Variants in LRRC72 observed in about 807,000 individuals in gnomAD.
The protein encoded by LRRC72 is leucine rich repeat containing 72.
Under a neutral mutation model 35.8 loss-of-function variants are expected in LRRC72, and 41 were observed. The ratio of observed to expected loss-of-function variants is 1.15; its 90% CI spans 0.89 to 1.49. The LOEUF is 1.49. Among genes scored for constraint, LRRC72 ranks in the 40% most tolerant of loss-of-function variants. The pLI, the probability that LRRC72 is intolerant of heterozygous loss-of-function variation, is 0.00. For synonymous variants in LRRC72, 118 were observed against 119.2 expected (o/e 0.99, Z 0.07); for missense variants, 389 against 330.7 (o/e 1.18, Z -1.37).
rs116119702 is a variant in LRRC72 at position 16,532,869 on chromosome 7, G to T, written c.164+301G>T. On this transcript the variant is annotated intron_variant, in intron 2 of 8. Transcript: ENST00000401542. ...TAGGATTGTCAGATTTAACAAATAAGTATATAGGACATCCAGTTGAATTTG... is the reference window on the plus strand; with the variant it reads ...TAGGATTGTCAGATTTAACAAATAATTATATAGGACATCCAGTTGAATTTG... The T allele has an allele frequency of 6.6e-4, 249 of 379,000 alleles. 1 individual carries two copies. Among genetic ancestry groups the T allele is most frequent in the African/African-American group, 4.8e-3 (234 of 48,768 alleles). 23.5% of individuals were successfully genotyped at this position (379,000 alleles called of 1,614,324 possible).
intron 2 of LRRC72, 87 bp downstream of exon 2, chr7:16,532,655 AT>A (rs572567134): frequency 1.1e-5 from 12 of 1,100,978 alleles, no homozygotes; most frequent in Non-Finnish European, 1.5e-5. Context: ...GTTATTTTCC[AT>A]TTTTCCCCCT....
chr7:16,532,478 T>A lies in LRRC72; in HGVS notation c.91-17T>A, dbSNP rs1318613028. The A allele has an allele frequency of 1.3e-6, 2 of 1,539,248 alleles. No homozygotes were observed. Among genetic ancestry groups the A allele is most frequent in the East Asian group, 4.9e-5 (2 of 40,834 alleles). On this transcript the variant is annotated splice_polypyrimidine_tract_variant and intron_variant, in intron 1 of 8. Transcript: ENST00000401542. ...TTCATTGGAATGTAGTTTGACAGAT[T>A]AATTATATGTTATCAGGCAGTTGAA...
intron 5 of LRRC72, among the ~76,000 whole-genome samples, chr7:16,561,002 A>G (rs901949968): frequency 2.0e-5 from 3 of 152,342 alleles, no homozygotes; most frequent in African/African-American, 7.2e-5. Context: ...AAGCTCAGAG[A>G]TTTAACCAAA....
At chr7:16,563,080 C>CCGTT (rs1436089027) in intron 5 of LRRC72, among the ~76,000 whole-genome samples, 3 of 152,172 alleles carry the variant, frequency 2.0e-5, no homozygotes, top group East Asian at 3.9e-4. Flanking sequence ...CTTCCACAGG[C>CCGTT]CGTTCTCTAT....
chr7:16,537,788 T>G, intron 3 of LRRC72, 92 bp downstream of exon 3: 1 of 769,954 alleles, frequency 1.3e-6, no homozygotes, highest in South Asian at 2.2e-5. Flanking sequence ...AGTATTAAAA[T>G]TTTTGCTTAA....
At chr7:16,554,141 C>T (rs777177256) in intron 3 of LRRC72, among the ~76,000 whole-genome samples, 4 of 152,098 alleles carry the variant, frequency 2.6e-5, no homozygotes, top group Non-Finnish European at 5.9e-5. Flanking sequence ...CCAGCCTGGC[C>T]AACATGGGGA....
chr7:16,567,355 A>T, intron 6 of LRRC72, 36 bp from the exon 7 acceptor site: 1 of 1,335,390 alleles, frequency 7.5e-7, no homozygotes, highest in Non-Finnish European at 1.0e-6. Flanking sequence ...CCTATTTATA[A>T]TGTTATGCAA....
At chr7:16,545,402 T>A (rs1782428288) in intron 3 of LRRC72, among the ~76,000 whole-genome samples, 3 of 152,226 alleles carry the variant, frequency 2.0e-5, no homozygotes, top group South Asian at 2.1e-4. Flanking sequence ...TGATAAAGAA[T>A]TCTTTGAATG....
intron 1 of LRRC72, among the ~76,000 whole-genome samples, chr7:16,528,233 T>A (rs773416810): frequency 5.9e-5 from 9 of 152,132 alleles, no homozygotes; most frequent in Admixed American, 2.0e-4. Flanking sequence ...CCATCATGTT[T>A]CCCTCTCCCT....
chr7:16,562,224 C>T (rs12669493), intron 5 of LRRC72, among the ~76,000 whole-genome samples: 28,564 of 152,016 alleles, frequency 0.19, 3,292 homozygotes, highest in East Asian at 0.35. Flanking sequence ...TTTCCACACC[C>T]TCTCTTTCTA....
At chr7:16,563,853 T>G (rs1457141551) in intron 5 of LRRC72, among the ~76,000 whole-genome samples, 1 of 152,224 alleles carries the variant, frequency 6.6e-6, no homozygotes, top group African/African-American at 2.4e-5. Context: ...TGATTTCGTG[T>G]CATTCAGTTT....
chr7:16,534,186 C>T (rs73076795), intron 2 of LRRC72, among the ~76,000 whole-genome samples: 28,322 of 152,064 alleles, frequency 0.19, 2,708 homozygotes, highest in Non-Finnish European at 0.19. Flanking sequence ...AGCATCTTAT[C>T]GATGTGTTCT....
At chr7:16,565,641 A>G (rs1782817605) in intron 5 of LRRC72, among the ~76,000 whole-genome samples, 2 of 152,204 alleles carry the variant, frequency 1.3e-5, no homozygotes, top group Non-Finnish European at 2.9e-5. Context: ...CTGCTTCTGC[A>G]TCCACATGCC....
intron 5 of LRRC72, among the ~76,000 whole-genome samples, chr7:16,562,289 CAT>C (rs1782756672): frequency 6.6e-6 from 1 of 152,164 alleles, no homozygotes; most frequent in South Asian, 2.1e-4. Flanking sequence ...TCAGAATCCA[CAT>C]GTGTCAAAGA....
In LRRC72 at chr7:16,566,414, TC is replaced by T. The variant is rs1782845644; in HGVS notation, c.517+14del. 1 of 1,511,492 alleles carries T rather than the reference TC, an allele frequency of 6.6e-7. No homozygotes were observed. The highest frequency in any genetic ancestry group is 8.9e-7 in the Non-Finnish European group (1 of 1,123,456). The allele number at this position is 1,511,492 out of a possible 1,614,324, so 93.6% of individuals were successfully genotyped here. On this transcript the variant is annotated intron_variant, in intron 6 of 8. Transcript: ENST00000401542. ...GCTTGACCGAAATCGTAAGGACCCTTCCTTCTTGCAAAGAAATATTTGAGAA... is the reference window on the plus strand; with the variant it reads ...GCTTGACCGAAATCGTAAGGACCCTTCTTCTTGCAAAGAAATATTTGAGAA...
intron 8 of LRRC72, among the ~76,000 whole-genome samples, chr7:16,580,617 C>A (rs1783125949): frequency 6.6e-6 from 1 of 152,068 alleles, no homozygotes. Context: ...GAACTCCAGC[C>A]TGGGTGACAG....
At chr7:16,538,020 A>T (rs900708771) in intron 3 of LRRC72, among the ~76,000 whole-genome samples, 1 of 152,200 alleles carries the variant, frequency 6.6e-6, no homozygotes, top group Non-Finnish European at 1.5e-5. Context: ...GGGCAGCCCC[A>T]TAACCTTTTT....
At chr7:16,567,589 ACTC>A in intron 7 of LRRC72, 46 bp downstream of exon 7, 2 of 1,340,758 alleles carry the variant, frequency 1.5e-6, no homozygotes, top group South Asian at 4.3e-5. Flanking sequence ...TGAAATTAAA[ACTC>A]CTCAAACTTT....
At chr7:16,566,703 C>T (rs1035201273) in intron 6 of LRRC72, among the ~76,000 whole-genome samples, 1 of 152,120 alleles carries the variant, frequency 6.6e-6, no homozygotes, top group Non-Finnish European at 1.5e-5. Context: ...AAATCGTTTA[C>T]TTCCTGGCAC....
Sources: gnomAD v4.1 joint callset for allele counts (sites outside exome capture counted in the v4.1 genomes callset) on GRCh38, gnomAD v4.1.1 for gene constraint, MANE v1.5 for transcripts, NCBI Gene and HGNC (gene_info 2026-07-23, HGNC 2026-07-21) for gene names.